ROBO1: variants seen among roughly 807,000 people sequenced by gnomAD.
ROBO1 encodes roundabout guidance receptor 1.
A neutral mutation model predicts 195.9 loss-of-function variants in ROBO1; 149 were observed. That is an observed-to-expected ratio of 0.76 (90% CI 0.67 to 0.87). ROBO1 has a LOEUF of 0.87. ROBO1 is among the 40% of genes least tolerant of loss of function. ROBO1 has a pLI of 0.00. For synonymous variants in ROBO1, 816 were observed against 733.2 expected, an observed-to-expected ratio of 1.11 and a Z score of -1.82; for missense variants, 1,933 against 2,068.3, an observed-to-expected ratio of 0.93 and a Z score of 1.27.
intron 3 of ROBO1, among the ~76,000 whole-genome samples, chr3:79,078,253 T>A (rs2079210168): frequency 6.6e-6 from 1 of 151,830 alleles, no homozygotes; most frequent in South Asian, 2.1e-4. Context: ...TGATTCTGGA[T>A]GCATGTGAAT....
intron 5 of ROBO1, among the ~76,000 whole-genome samples, chr3:78,741,869 C>A (rs2082541167): frequency 6.6e-6 from 1 of 152,056 alleles, no homozygotes. Flanking sequence ...TCATTTAAGG[C>A]CTCTTTCAAA....
Position 79,125,481 on chromosome 3 carries a change from G to T in ROBO1, c.147C>A (p.Asn49Lys), listed in dbSNP as rs2080198187. ...DHGTPIPTSD[N>K]DDNSLGYTGS... is the part of the protein sequence containing the mutation. ...CTGTATAGCCCAGCGAATTGTCATCGTTATCAGAGGTGGGGATTGGCGTCC... is the reference window on the plus strand; with the variant it reads ...CTGTATAGCCCAGCGAATTGTCATCTTTATCAGAGGTGGGGATTGGCGTCC... The change falls in exon 3 of 31, where the codon AAC becomes AAA. Residue 49 changes from asparagine (N) to lysine (K), a missense_variant. By Grantham distance (94) the Asn-to-Lys change is moderately conservative. Around this residue, in one of 3 missense-constraint regions of ROBO1, gnomAD observed 185 missense variants for 159.5 expected, o/e 1.16. Transcript: ENST00000464233. 1.2e-6 allele frequency: 2 copies of T among 1,613,530 alleles called. No individual in the cohort carries two copies. The highest frequency in any genetic ancestry group is 1.7e-6 in the Non-Finnish European group (2 of 1,179,748).
intron 1 of ROBO1, among the ~76,000 whole-genome samples, chr3:79,635,687 G>A (rs1485964807): frequency 6.6e-6 from 1 of 152,072 alleles, no homozygotes; most frequent in African/African-American, 2.4e-5. Flanking sequence ...ACATTCAATT[G>A]TATACAGCAG....
At position 78,617,647 on chromosome 3, in the gene ROBO1, G is replaced by C; in HGVS notation, c.4270C>G (p.Gln1424Glu). Residue 1424 changes from glutamine to glutamate, a missense_variant, in exon 27 of 31, where the codon CAG (glutamine) becomes GAG (glutamate). By Grantham distance (29) the Gln-to-Glu change is conservative. Coordinates refer to ENST00000464233, the MANE Select transcript of ROBO1 (RefSeq NM_002941.4). ...AGLKVARRQMQDAAGRRHFHA... is the reference protein window; with the variant it reads ...AGLKVARRQMEDAAGRRHFHA... ...TGTTAGGACTCACCAGCAGCATCCT[G>C]CATTTGCCGTCGTGCTACTTTCAGA... 1 of 1,610,738 alleles carries C rather than the reference G, an allele frequency of 6.2e-7. No individual in the cohort carries two copies. The highest frequency in any genetic ancestry group is 8.5e-7 in the Non-Finnish European group (1 of 1,178,108).
chr3:79,259,696 A>G (rs564480314), intron 2 of ROBO1, among the ~76,000 whole-genome samples: 1 of 152,262 alleles, frequency 6.6e-6, no homozygotes, highest in African/African-American at 2.4e-5. Context: ...TAACCAGAAT[A>G]CATGAGAAGC....
At chr3:79,640,401 G>A (rs927036959) in intron 1 of ROBO1, among the ~76,000 whole-genome samples, 2 of 151,986 alleles carry the variant, frequency 1.3e-5, no homozygotes, top group Non-Finnish European at 2.9e-5. Flanking sequence ...TAGCAACTTG[G>A]AACTGTGAGT....
chr3:79,402,213 T>G (rs995343316), intron 2 of ROBO1, among the ~76,000 whole-genome samples: 1 of 151,942 alleles, frequency 6.6e-6, no homozygotes, highest in Non-Finnish European at 1.5e-5. Flanking sequence ...TGAATTAGAT[T>G]TTTTCAATTT....
chr3:79,759,453 T>C (rs1056230912), intron 1 of ROBO1, among the ~76,000 whole-genome samples: 1 of 152,192 alleles, frequency 6.6e-6, no homozygotes, highest in African/African-American at 2.4e-5. Flanking sequence ...TCCTTCCAAG[T>C]ACTGAAGTCC....
intron 8 of ROBO1, among the ~76,000 whole-genome samples, chr3:78,692,642 G>A (rs1373344796): frequency 3.9e-5 from 6 of 152,064 alleles, no homozygotes; most frequent in African/African-American, 7.2e-5. Context: ...TGGCATGCCC[G>A]TTTGCATATT....
At position 79,168,992 on chromosome 3, in the gene ROBO1, G is replaced by A. The variant is rs374441905; in HGVS notation, c.89-43453C>T. Among the ~76,000 whole-genome samples, 7 of 152,278 alleles carry A rather than the reference G, an allele frequency of 4.6e-5. 1 individual carries two copies. The highest frequency in any genetic ancestry group is 4.6e-4 in the Admixed American group (7 of 15,286). On this transcript the variant is annotated intron_variant, in intron 2 of 30. Coordinates refer to ENST00000464233, the MANE Select transcript of ROBO1 (RefSeq NM_002941.4). Reference sequence around the variant, plus strand: ...CAAAATTCTAAAGATAAAGGGGAAAGAGAATGTTTGCAGCAATGAAAAGAA... The same window carrying A: ...CAAAATTCTAAAGATAAAGGGGAAAAAGAATGTTTGCAGCAATGAAAAGAA...
chr3:78,978,883 C>T (rs2076936134), intron 3 of ROBO1, among the ~76,000 whole-genome samples: 1 of 152,152 alleles, frequency 6.6e-6, no homozygotes, highest in African/African-American at 2.4e-5. Context: ...AATCTATTCT[C>T]CAACTATTTA....
chr3:79,141,023 T>C (rs369443453), intron 2 of ROBO1, among the ~76,000 whole-genome samples: 1 of 152,224 alleles, frequency 6.6e-6, no homozygotes, highest in South Asian at 2.1e-4. Flanking sequence ...ACAGTTGATA[T>C]TGAAATTACC....
chr3:78,922,939 GC>G (rs1449133321), intron 4 of ROBO1, among the ~76,000 whole-genome samples: 1 of 151,968 alleles, frequency 6.6e-6, no homozygotes. Context: ...CTGCAGTTTT[GC>G]AAAACCATTA....
chr3:78,861,487 C>T (rs895310463), intron 4 of ROBO1, among the ~76,000 whole-genome samples: 2 of 152,146 alleles, frequency 1.3e-5, no homozygotes, highest in Non-Finnish European at 1.5e-5. Flanking sequence ...TTAAAAGCTT[C>T]ACTGCCTCCT....
At chr3:78,629,661 C>A (rs1325049957) in intron 25 of ROBO1, among the ~76,000 whole-genome samples, 2 of 147,460 alleles carry the variant, frequency 1.4e-5, no homozygotes, top group Non-Finnish European at 3.0e-5. Context: ...CCAAACCAAC[C>A]AAACCAAACC....
intron 4 of ROBO1, chr3:78,758,873 A>T (rs2083014148): frequency 6.6e-6 from 1 of 152,126 alleles, no homozygotes; most frequent in African/African-American, 2.4e-5. Flanking sequence ...GGAGAGTTAC[A>T]CATTGCCTGT....
intron 2 of ROBO1, among the ~76,000 whole-genome samples, chr3:79,488,522 T>C (rs1939278380): frequency 6.6e-6 from 1 of 152,176 alleles, no homozygotes; most frequent in South Asian, 2.1e-4. Context: ...TAATTTCCAG[T>C]GTGTGATAAA....
chr3:79,271,098 T>G (rs1392803691), intron 2 of ROBO1, among the ~76,000 whole-genome samples: 1 of 151,970 alleles, frequency 6.6e-6, no homozygotes, highest in Non-Finnish European at 1.5e-5. Context: ...TATTATTTAA[T>G]GGAGGTAGAA....
At chr3:79,254,613 A>G (rs956374731) in intron 2 of ROBO1, among the ~76,000 whole-genome samples, 2 of 152,164 alleles carry the variant, frequency 1.3e-5, no homozygotes, top group Non-Finnish European at 2.9e-5. Context: ...CAGAAGAGAC[A>G]TTCATTTTTC....
Sources: allele counts gnomAD v4.1 joint callset (sites outside exome capture counted in the v4.1 genomes callset), GRCh38; gene constraint gnomAD v4.1.1; regional missense constraint gnomAD v4.1.1; transcripts MANE v1.5; gene names NCBI Gene and HGNC (gene_info 2026-07-23, HGNC 2026-07-21).